LARS2: variants seen among roughly 807,000 people sequenced by gnomAD.
The protein encoded by LARS2 is leucyl-tRNA synthetase 2, mitochondrial, also known as leucine--tRNA ligase, mitochondrial.
Under a neutral mutation model 116.6 loss-of-function variants are expected in LARS2, and 81 were observed. The ratio of observed to expected loss-of-function variants is 0.69; its 90% CI spans 0.58 to 0.84. LARS2 has a LOEUF of 0.84. Among genes scored for constraint, LARS2 ranks in the 40% least tolerant of loss-of-function variants. LARS2 has a pLI of 0.00. For synonymous variants in LARS2, 396 were observed against 407.2 expected (o/e 0.97, Z 0.33); for missense variants, 968 against 1,114.5 (o/e 0.87, Z 1.87).
intron 14 of LARS2, among the ~76,000 whole-genome samples, chr3:45,496,844 A>G (rs2125737137): frequency 6.6e-6 from 1 of 152,364 alleles, no homozygotes; most frequent in South Asian, 2.1e-4. Flanking sequence ...TTAAAGGGAG[A>G]GTGCTACATC....
Position 45,485,701 on chromosome 3 carries a change from C to T in LARS2, c.1028C>T (p.Thr343Met), listed in dbSNP as rs778984847. Residue 343 changes from threonine (T) to methionine (M), a missense_variant, in exon 11 of 22, where the codon ACG (threonine) becomes ATG (methionine). By Grantham distance (81) the Thr-to-Met change is moderately conservative. Coordinates refer to ENST00000645846, the MANE Select transcript of LARS2 (RefSeq NM_015340.4). ...MALVPGKDCLTPVMAVNMLTQ... is the reference protein window; with the variant it reads ...MALVPGKDCLMPVMAVNMLTQ... ...TTGCTCTCATTTTCAGATTGCCTCA[C>T]GCCTGTAATGGCTGTGAACATGCTT... is the stretch of plus-strand genomic sequence containing the variant. 5.6e-6 allele frequency: 9 copies of T among 1,601,964 alleles called. No individual in the cohort carries two copies. Among genetic ancestry groups the T allele is most frequent in the South Asian group, 2.2e-5 (2 of 89,584 alleles).
At chr3:45,396,337 C>A (rs1334660858) in intron 3 of LARS2, among the ~76,000 whole-genome samples, 1 of 152,200 alleles carries the variant, frequency 6.6e-6, no homozygotes, top group Non-Finnish European at 1.5e-5. Context: ...GTGATCCAGG[C>A]CACATCATTT....
At chr3:45,432,832 G>T (rs1354400525) in intron 6 of LARS2, among the ~76,000 whole-genome samples, 1 of 151,950 alleles carries the variant, frequency 6.6e-6, no homozygotes, top group Non-Finnish European at 1.5e-5. Context: ...GAAACTGAAA[G>T]TTGATTCTTT....
intron 21 of LARS2, 80 bp from the exon 22 acceptor site, chr3:45,547,270 AC>A: frequency 7.8e-7 from 1 of 1,280,734 alleles, no homozygotes; most frequent in Non-Finnish European, 1.1e-6. Flanking sequence ...CATGCCCTTT[AC>A]AGGCAGGAGG....
At position 45,549,309 on chromosome 3, in the gene LARS2, A is replaced by G. The variant is rs1700914751; in HGVS notation, c.*1779A>G. The G allele has an allele frequency of 6.6e-6, 1 of 152,244 alleles. No homozygotes were observed. The highest frequency in any genetic ancestry group is 1.5e-5 in the Non-Finnish European group (1 of 68,050). 9.4% of individuals were successfully genotyped at this position (152,244 alleles called of 1,614,324 possible). ...ACCAAGAGTTGGACCAAAAGGGAAG[A>G]CAGGGGCCAGAAGTCTAGAGTGCTA... On this transcript the variant is annotated 3_prime_UTR_variant, in exon 22 of 22. Coordinates refer to ENST00000645846, the MANE Select transcript of LARS2 (RefSeq NM_015340.4).
At position 45,500,455 on chromosome 3, in the gene LARS2, G is replaced by A. The variant is rs767488008; in HGVS notation, c.1636G>A (p.Ala546Thr). ...PHNPHSPFNT[A>T]VADYWMPVDL... ...TCTTTTTTACAGCCCTTTTAACACA[G>A]CAGTGGCCGATTACTGGATGCCTGT... Residue 546 changes from alanine (A) to threonine (T), a missense_variant, in exon 15 of 22, where the codon GCA (alanine) becomes ACA (threonine). Physicochemically the swap from Ala to Thr is moderately conservative, Grantham distance 58 (BLOSUM62 0). Coordinates refer to ENST00000645846, the MANE Select transcript of LARS2 (RefSeq NM_015340.4). The A allele has an allele frequency of 8.7e-6, 14 of 1,604,764 alleles. No individual in the cohort carries two copies. In the African/African-American group the frequency reaches 1.6e-4, roughly 19 times the overall value.
At chr3:45,406,145 C>T (rs1366701338) in intron 4 of LARS2, among the ~76,000 whole-genome samples, 1 of 152,092 alleles carries the variant, frequency 6.6e-6, no homozygotes, top group Non-Finnish European at 1.5e-5. Flanking sequence ...ACTAGCAGAC[C>T]TCTCAATTGG....
intron 4 of LARS2, among the ~76,000 whole-genome samples, chr3:45,403,306 C>T (rs929681442): frequency 2.0e-5 from 3 of 151,766 alleles, no homozygotes; most frequent in African/African-American, 4.8e-5. Flanking sequence ...AAATTGCCTA[C>T]AATTAAGCTT....
chr3:45,469,640 G>A (rs1336609523), intron 8 of LARS2, among the ~76,000 whole-genome samples: 1 of 152,000 alleles, frequency 6.6e-6, no homozygotes, highest in South Asian at 2.1e-4. Flanking sequence ...CACTGTGCCC[G>A]GCCGGGTTTT....
intron 14 of LARS2, among the ~76,000 whole-genome samples, chr3:45,497,107 A>G (rs763411527): frequency 6.6e-6 from 1 of 152,224 alleles, no homozygotes; most frequent in Non-Finnish European, 1.5e-5. Flanking sequence ...TTGATAAATC[A>G]ATAAAGAGTA....
intron 20 of LARS2, among the ~76,000 whole-genome samples, chr3:45,531,474 C>G (rs1321230991): frequency 6.6e-6 from 1 of 151,996 alleles, no homozygotes; most frequent in African/African-American, 2.4e-5. Flanking sequence ...ACCTCCTGGG[C>G]TCAAGCAGAC....
chr3:45,397,044 C>T (rs886191306), intron 3 of LARS2, among the ~76,000 whole-genome samples: 3 of 152,156 alleles, frequency 2.0e-5, no homozygotes, highest in Admixed American at 6.5e-5. Context: ...AGCTTCAGAG[C>T]GTGATCTATA....
At chr3:45,428,037 T>A (rs1455683439) in intron 6 of LARS2, among the ~76,000 whole-genome samples, 3 of 151,730 alleles carry the variant, frequency 2.0e-5, no homozygotes, top group Non-Finnish European at 4.4e-5. Flanking sequence ...GCCAGGCTGG[T>A]CTCAAACTCC....
At chr3:45,525,487 A>G (rs1274121065) in intron 20 of LARS2, among the ~76,000 whole-genome samples, 2 of 152,216 alleles carry the variant, frequency 1.3e-5, no homozygotes, top group African/African-American at 4.8e-5. Flanking sequence ...AAACCTGGGT[A>G]AGGATTTGGA....
intron 3 of LARS2, among the ~76,000 whole-genome samples, chr3:45,396,142 T>A (rs1698039660): frequency 6.6e-6 from 1 of 152,270 alleles, no homozygotes; most frequent in African/African-American, 2.4e-5. Flanking sequence ...TACAGTTTTT[T>A]AAAATATCAA....
chr3:45,544,747 A>G (rs1434095730), intron 21 of LARS2, among the ~76,000 whole-genome samples: 1 of 152,218 alleles, frequency 6.6e-6, no homozygotes, highest in Non-Finnish European at 1.5e-5. Flanking sequence ...CAGCGTTGCC[A>G]CTTCTGGCAG....
chr3:45,540,865 A>C (rs1156237972), intron 20 of LARS2, among the ~76,000 whole-genome samples: 1 of 152,078 alleles, frequency 6.6e-6, no homozygotes, highest in Non-Finnish European at 1.5e-5. Context: ...AGCTCACTAC[A>C]GCCTCAAACT....
At chr3:45,503,005 G>A (rs902995755) in intron 15 of LARS2, among the ~76,000 whole-genome samples, 1 of 151,682 alleles carries the variant, frequency 6.6e-6, no homozygotes, top group African/African-American at 2.4e-5. Flanking sequence ...CTAGTTCTTT[G>A]GGGGATGGGG....
intron 6 of LARS2, among the ~76,000 whole-genome samples, chr3:45,444,810 G>A (rs13063737): frequency 0.46 from 68,573 of 149,710 alleles, 18,605 homozygotes; most frequent in East Asian, 0.7. Flanking sequence ...TGTTGTATAT[G>A]TGTTACATAT....
Sources: gnomAD v4.1 joint callset for allele counts (sites outside exome capture counted in the v4.1 genomes callset) on GRCh38, gnomAD v4.1.1 for gene constraint, MANE v1.5 for transcripts, NCBI Gene and HGNC (gene_info 2026-07-23, HGNC 2026-07-21) for gene names.